The following CCSER1 variants were observed in gnomAD, a reference collection of about 807,000 sequenced individuals.
CCSER1 encodes the protein serine-rich coiled-coil domain-containing protein 1.
CCSER1 carries 41 observed loss-of-function variants against 82.0 expected under a neutral mutation model. The ratio of observed to expected loss-of-function variants is 0.50; its 90% confidence interval spans 0.39 to 0.65. The LOEUF is 0.65. Among genes scored for constraint, CCSER1 ranks in the 30% least tolerant of loss-of-function variants. The pLI is 0.00. For synonymous variants in CCSER1, 414 were observed against 383.9 expected (o/e 1.08, Z -0.92); for missense variants, 1,119 against 1,064.2 (o/e 1.05, Z -0.72).
intron 10 of CCSER1, among the ~76,000 whole-genome samples, chr4:91,208,925 T>G (rs540135191): frequency 6.6e-6 from 1 of 152,118 alleles, no homozygotes; most frequent in South Asian, 2.1e-4. Flanking sequence ...TAGATATTTT[T>G]CCCCTTCCTA....
intron 10 of CCSER1, among the ~76,000 whole-genome samples, chr4:91,194,983 A>G (rs1043207008): frequency 2.6e-5 from 4 of 152,216 alleles, no homozygotes; most frequent in Admixed American, 2.6e-4. Flanking sequence ...GTATCATTAT[A>G]TGAAGGAAGA....
At chr4:91,184,031 G>A (rs548964159) in intron 10 of CCSER1, among the ~76,000 whole-genome samples, 1 of 152,194 alleles carries the variant, frequency 6.6e-6, no homozygotes, top group African/African-American at 2.4e-5. Context: ...AGGTCCCCAA[G>A]TAGGAGTAAG....
chr4:90,794,372 T>C (rs534493719), intron 7 of CCSER1, among the ~76,000 whole-genome samples: 1 of 152,336 alleles, frequency 6.6e-6, no homozygotes, highest in African/African-American at 2.4e-5. Flanking sequence ...GCTTCAATCT[T>C]CTGCATATAG....
intron 6 of CCSER1, among the ~76,000 whole-genome samples, chr4:90,689,055 C>T (rs1735330475): frequency 6.6e-6 from 1 of 152,072 alleles, no homozygotes; most frequent in Admixed American, 6.6e-5. Context: ...CACACATTTA[C>T]CTAAGCATTT....
At chr4:91,112,134 C>T (rs565583827) in intron 10 of CCSER1, among the ~76,000 whole-genome samples, 1 of 152,208 alleles carries the variant, frequency 6.6e-6, no homozygotes, top group African/African-American at 2.4e-5. Flanking sequence ...TATCACAAAG[C>T]TATTTCCAAA....
At chr4:90,743,851 A>G (rs1162165829) in intron 7 of CCSER1, among the ~76,000 whole-genome samples, 1 of 152,188 alleles carries the variant, frequency 6.6e-6, no homozygotes, top group African/African-American at 2.4e-5. Context: ...TAATGCCCAC[A>G]GGAATAAACC....
At chr4:91,107,575 T>C (rs1376164175) in intron 10 of CCSER1, among the ~76,000 whole-genome samples, 1 of 151,986 alleles carries the variant, frequency 6.6e-6, no homozygotes, top group Non-Finnish European at 1.5e-5. Context: ...GGTTAAGCAA[T>C]GCATGATGGT....
chr4:90,613,410 A>G (rs1484668435), intron 5 of CCSER1, among the ~76,000 whole-genome samples: 1 of 152,182 alleles, frequency 6.6e-6, no homozygotes, highest in Admixed American at 6.5e-5. Context: ...CAAATGTAGT[A>G]TCCTTTCAAG....
intron 1 of CCSER1, among the ~76,000 whole-genome samples, chr4:90,203,160 T>C (rs1014754831): frequency 6.6e-6 from 1 of 152,202 alleles, no homozygotes; most frequent in African/African-American, 2.4e-5. Flanking sequence ...GAGTCTACTT[T>C]TAAATATTTA....
chr4:91,466,995 A>G (rs1462888233), intron 10 of CCSER1, among the ~76,000 whole-genome samples: 5 of 152,294 alleles, frequency 3.3e-5, no homozygotes, highest in South Asian at 4.1e-4. Context: ...ACAGAATTAG[A>G]AAAAAACTAC....
chr4:90,409,005 C>T (rs1217184266), intron 4 of CCSER1, among the ~76,000 whole-genome samples: 6 of 152,112 alleles, frequency 3.9e-5, no homozygotes, highest in East Asian at 1.9e-4. Flanking sequence ...GTAACTGATG[C>T]GATCAACTGG....
chr4:90,418,942 A>G (rs954018056), intron 4 of CCSER1, among the ~76,000 whole-genome samples: 1 of 152,008 alleles, frequency 6.6e-6, no homozygotes, highest in South Asian at 2.1e-4. Context: ...CCTCACAGCA[A>G]TTCTCAGAAA....
chr4:91,356,754 T>C (rs1748861898), intron 10 of CCSER1, among the ~76,000 whole-genome samples: 1 of 152,098 alleles, frequency 6.6e-6, no homozygotes, highest in Non-Finnish European at 1.5e-5. Context: ...GAATGCTAAG[T>C]CTCCTCCCCT....
chr4:91,415,275 C>T (rs986813701), intron 10 of CCSER1, among the ~76,000 whole-genome samples: 1 of 152,088 alleles, frequency 6.6e-6, no homozygotes, highest in East Asian at 1.9e-4. Context: ...TGAGGCTTTG[C>T]TGAAGTGGCT....
intron 1 of CCSER1, among the ~76,000 whole-genome samples, chr4:90,183,836 T>C (rs1734130878): frequency 6.6e-6 from 1 of 152,192 alleles, no homozygotes; most frequent in African/African-American, 2.4e-5. Flanking sequence ...GTGAACTTCC[T>C]TTTTAGAGTA....
chr4:91,503,757 T>C (rs1318102051), intron 10 of CCSER1, among the ~76,000 whole-genome samples: 4 of 152,172 alleles, frequency 2.6e-5, no homozygotes, highest in African/African-American at 9.7e-5. Flanking sequence ...AGACCAGAAC[T>C]TGAGAATAAT....
chr4:90,258,295 AT>A (rs1214281881), intron 1 of CCSER1, among the ~76,000 whole-genome samples: 9 of 152,298 alleles, frequency 5.9e-5, no homozygotes, highest in Non-Finnish European at 5.9e-5. Context: ...CAGGTGGATC[AT>A]GAGGTCAAGA....
intron 9 of CCSER1, among the ~76,000 whole-genome samples, chr4:91,067,844 C>G (rs1047809266): frequency 6.6e-6 from 1 of 152,174 alleles, no homozygotes; most frequent in African/African-American, 2.4e-5. Context: ...GTAACTAGTC[C>G]TCTAAGCAGT....
At chr4:91,177,623 T>C (rs1196071592) in intron 10 of CCSER1, among the ~76,000 whole-genome samples, 2 of 152,242 alleles carry the variant, frequency 1.3e-5, no homozygotes, top group African/African-American at 2.4e-5. Context: ...GTTTCTAGTA[T>C]TCTCTGATAG....
Sources: allele counts gnomAD v4.1 joint callset (sites outside exome capture counted in the v4.1 genomes callset), GRCh38; gene constraint gnomAD v4.1.1; transcripts MANE v1.5; gene names NCBI Gene and HGNC (gene_info 2026-07-23, HGNC 2026-07-21).